Variants in DOCK3 observed in about 807,000 individuals in gnomAD.
DOCK3 encodes the protein dedicator of cytokinesis protein 3.
In DOCK3, 60 loss-of-function variants were observed where a neutral mutation model predicts 265.6. That is an observed-to-expected ratio of 0.23 (90% CI 0.18 to 0.28). The LOEUF is 0.28. Among genes scored for constraint, DOCK3 ranks in the 10% least tolerant of loss-of-function variants. The pLI is 1.00. For synonymous variants in DOCK3, 881 were observed against 938.0 expected, an observed-to-expected ratio of 0.94 and a Z score of 1.11; for missense variants, 1,981 against 2,594.3, an observed-to-expected ratio of 0.76 and a Z score of 5.14.
rs2086711308 is a variant in DOCK3 at position 51,361,221 on chromosome 3, G to C, written c.5006+589G>C. ...AGGCCAGGAAGGCCAAGTTGGAGGAGGAGACTAGTGAGAGGAGCCCCTCAC... is the reference window on the plus strand; with the variant it reads ...AGGCCAGGAAGGCCAAGTTGGAGGACGAGACTAGTGAGAGGAGCCCCTCAC... On this transcript the variant is annotated intron_variant, in intron 47 of 52. Transcript: ENST00000266037. This position sits in a 1 kb window ranked among gnomAD's most constrained non-coding sequence, Gnocchi z 4.2. 6.6e-6 allele frequency among the ~76,000 whole-genome samples: 1 copy of C among 152,246 alleles called. No individual in the cohort carries two copies. The highest frequency in any genetic ancestry group is 1.5e-5 in the Non-Finnish European group (1 of 68,040).
At chr3:51,159,010 A>C (rs555874796) in intron 10 of DOCK3, among the ~76,000 whole-genome samples, 85 of 152,238 alleles carry the variant, frequency 5.6e-4, no homozygotes, top group Non-Finnish European at 1.0e-3. Flanking sequence ...TTTATTTGTT[A>C]AGTGGTCTAA....
At chr3:50,803,624 GC>G (rs1176305271) in intron 2 of DOCK3, among the ~76,000 whole-genome samples, 2 of 123,570 alleles carry the variant, frequency 1.6e-5, no homozygotes, top group South Asian at 2.5e-4. Context: ...GGGCAGAGGG[GC>G]CCCCCACCTC....
chr3:51,304,750 G>A (rs927886171), intron 27 of DOCK3, among the ~76,000 whole-genome samples: 9 of 152,178 alleles, frequency 5.9e-5, no homozygotes, highest in African/African-American at 7.2e-5. Context: ...GTGAGCCATC[G>A]CACCACCCTG....
At chr3:51,312,333 T>C in intron 29 of DOCK3, 143 bp from the exon 30 acceptor site, 1 of 871,664 alleles carries the variant, frequency 1.1e-6, no homozygotes. Flanking sequence ...AAAATTCTTG[T>C]TTGCAAAGAT....
At chr3:50,907,278 G>T (rs893187795) in intron 4 of DOCK3, among the ~76,000 whole-genome samples, 2 of 152,092 alleles carry the variant, frequency 1.3e-5, no homozygotes, top group Non-Finnish European at 2.9e-5. Context: ...TCTGCTTGGT[G>T]CAGAGCTGAG....
intron 12 of DOCK3, among the ~76,000 whole-genome samples, chr3:51,169,836 T>A (rs1390396459): frequency 6.6e-6 from 1 of 152,216 alleles, no homozygotes; most frequent in Non-Finnish European, 1.5e-5. Context: ...TGTTTAACCA[T>A]CGTGCTATCC....
At chr3:50,847,550 T>A (rs572522093) in intron 3 of DOCK3, among the ~76,000 whole-genome samples, 38 of 152,290 alleles carry the variant, frequency 2.5e-4, no homozygotes, top group Non-Finnish European at 5.0e-4. Context: ...TTTGTTAGTT[T>A]TCTGTCTCAG....
At chr3:50,842,895 T>C (rs1368962161) in intron 3 of DOCK3, among the ~76,000 whole-genome samples, 1 of 152,194 alleles carries the variant, frequency 6.6e-6, no homozygotes, top group African/African-American at 2.4e-5. Context: ...TAGTTGTAAT[T>C]TGTGATATTG....
chr3:51,235,742 CT>C (rs1392920205), intron 19 of DOCK3, among the ~76,000 whole-genome samples: 2 of 152,186 alleles, frequency 1.3e-5, no homozygotes, highest in African/African-American at 4.8e-5. Flanking sequence ...GTTTTTGCAT[CT>C]CAGAAATAGG....
intron 5 of DOCK3, among the ~76,000 whole-genome samples, chr3:50,934,686 G>A (rs1280724525): frequency 6.6e-6 from 1 of 151,892 alleles, no homozygotes; most frequent in East Asian, 1.9e-4. Flanking sequence ...GTGTGGTGGT[G>A]TGTGCCTGTA....
intron 10 of DOCK3, among the ~76,000 whole-genome samples, chr3:51,149,518 A>G (rs1461554010): frequency 6.6e-6 from 1 of 152,192 alleles, no homozygotes; most frequent in Non-Finnish European, 1.5e-5. Flanking sequence ...CGTTCCATCA[A>G]TACCTAGTTT....
At chr3:51,129,457 C>T (rs2084411455) in intron 9 of DOCK3, among the ~76,000 whole-genome samples, 2 of 152,210 alleles carry the variant, frequency 1.3e-5, no homozygotes, top group South Asian at 4.1e-4. Flanking sequence ...TGAACCATTT[C>T]CTCATGTAAC....
At chr3:51,179,738 C>T (rs915998336) in intron 12 of DOCK3, among the ~76,000 whole-genome samples, 2 of 151,806 alleles carry the variant, frequency 1.3e-5, no homozygotes, top group African/African-American at 4.8e-5. Flanking sequence ...TAGTGAGGAT[C>T]CCCATCTCTA....
intron 5 of DOCK3, among the ~76,000 whole-genome samples, chr3:51,022,819 TAGATTTAA>T (rs1441590313): frequency 1.3e-4 from 20 of 152,342 alleles, no homozygotes; most frequent in Admixed American, 1.2e-3. Flanking sequence ...TTTCACTTCT[TAGATTTAA>T]GTTTTTAATC....
At chr3:50,893,798 C>G (rs1227894014) in intron 4 of DOCK3, among the ~76,000 whole-genome samples, 1 of 151,706 alleles carries the variant, frequency 6.6e-6, no homozygotes, top group Non-Finnish European at 1.5e-5. Flanking sequence ...CAAACAACCC[C>G]TTTAAGATGT....
intron 5 of DOCK3, among the ~76,000 whole-genome samples, chr3:50,949,875 T>C (rs1370166151): frequency 6.6e-6 from 1 of 152,142 alleles, no homozygotes; most frequent in Non-Finnish European, 1.5e-5. Context: ...AAATATCTTT[T>C]GGCTTTGCCG....
chr3:50,751,362 G>A (rs941662104), intron 1 of DOCK3, among the ~76,000 whole-genome samples: 13 of 151,664 alleles, frequency 8.6e-5, no homozygotes, highest in South Asian at 6.2e-4. Flanking sequence ...CTATCAACCC[G>A]TCATCTAGGT....
chr3:51,064,851 T>G (rs2081536368), intron 6 of DOCK3, among the ~76,000 whole-genome samples: 1 of 152,208 alleles, frequency 6.6e-6, no homozygotes, highest in South Asian at 2.1e-4. Context: ...AGGACTAGAT[T>G]ATCCTATAAA....
At chr3:51,273,512 G>GT (rs1245132979) in intron 24 of DOCK3, among the ~76,000 whole-genome samples, 15 of 152,088 alleles carry the variant, frequency 9.9e-5, no homozygotes, top group African/African-American at 3.6e-4. Flanking sequence ...ACTAACCACT[G>GT]TTTTTTTCTG....
Sources: allele counts gnomAD v4.1 joint callset (sites outside exome capture counted in the v4.1 genomes callset), GRCh38; gene constraint gnomAD v4.1.1; non-coding constraint Gnocchi (gnomAD v3.1); transcripts MANE v1.5; gene names NCBI Gene and HGNC (gene_info 2026-07-23, HGNC 2026-07-21).